The following MBOAT2 variants were observed in gnomAD, a reference collection of about 807,000 sequenced individuals.
MBOAT2 encodes membrane-bound glycerophospholipid O-acyltransferase 2.
A neutral mutation model predicts 63.4 loss-of-function variants in MBOAT2; 28 were observed. The ratio of observed to expected loss-of-function variants is 0.44; its 90% CI spans 0.33 to 0.61. MBOAT2 has a LOEUF of 0.61. Ranked by LOEUF, MBOAT2 falls within the 20% of genes least tolerant of loss-of-function variation. The probability of loss-of-function intolerance (pLI) is 0.03; values close to 1 mark genes in which losing one functional copy is unlikely to be tolerated. For missense variants in MBOAT2, 470 were observed against 605.8 expected (o/e 0.78, Z 2.35); for synonymous variants, 211 against 215.6 (o/e 0.98, Z 0.19).
chr2:8,907,413 C>G (rs927183886), intron 4 of MBOAT2, among the ~76,000 whole-genome samples: 3 of 152,198 alleles, frequency 2.0e-5, no homozygotes, highest in African/African-American at 7.2e-5. Context: ...TTCTAAGTGA[C>G]TGCAATTCTT....
intron 3 of MBOAT2, among the ~76,000 whole-genome samples, chr2:8,937,543 T>A (rs991625801): frequency 6.6e-6 from 1 of 152,164 alleles, no homozygotes; most frequent in Admixed American, 6.5e-5. Flanking sequence ...AGAGGATGTG[T>A]AACAAATCAT....
chr2:8,971,821 G>T (rs1319357892), intron 1 of MBOAT2, among the ~76,000 whole-genome samples: 1 of 152,148 alleles, frequency 6.6e-6, no homozygotes, highest in East Asian at 1.9e-4. Flanking sequence ...GGATGTGAAG[G>T]ACCTCTTCAA....
In MBOAT2 at chr2:8,877,365, A is replaced by T; in HGVS notation, c.507-152T>A. 4 of 723,964 alleles carry T rather than the reference A, an allele frequency of 5.5e-6. No individual in the cohort carries two copies. In the East Asian group the frequency reaches 1.1e-4, roughly 20 times the overall value. The allele number at this position is 723,964 out of a possible 1,614,324, so 44.8% of individuals were successfully genotyped here. Reference sequence around the variant, plus strand: ...TACAATAAGAATTTTAAGGATCAGAACATAGTCATGCTCAAAAGTATGTCT... The same window carrying T: ...TACAATAAGAATTTTAAGGATCAGATCATAGTCATGCTCAAAAGTATGTCT... On this transcript the variant is annotated intron_variant, in intron 6 of 12. Coordinates refer to ENST00000305997, the MANE Select transcript of MBOAT2 (RefSeq NM_138799.4).
intron 1 of MBOAT2, among the ~76,000 whole-genome samples, chr2:8,970,406 C>T (rs1377463452): frequency 1.3e-5 from 2 of 152,142 alleles, no homozygotes; most frequent in South Asian, 2.1e-4. Context: ...TAAATGCCCA[C>T]AAGAGAAAGC....
chr2:8,921,309 T>C (rs929920195), intron 3 of MBOAT2, among the ~76,000 whole-genome samples: 1 of 152,250 alleles, frequency 6.6e-6, no homozygotes. Flanking sequence ...TTCAGATTAA[T>C]ACTGACTTAA....
At chr2:8,917,478 G>A (rs1277181131) in intron 3 of MBOAT2, among the ~76,000 whole-genome samples, 1 of 151,934 alleles carries the variant, frequency 6.6e-6, no homozygotes, top group Non-Finnish European at 1.5e-5. Context: ...AACAGTACAG[G>A]AAAAAAATGT....
At chr2:8,951,861 T>C (rs1668860946) in intron 2 of MBOAT2, among the ~76,000 whole-genome samples, 1 of 152,222 alleles carries the variant, frequency 6.6e-6, no homozygotes, top group South Asian at 2.1e-4. Flanking sequence ...CTCTTTATCC[T>C]TTTAAAGAAC....
chr2:8,960,422 C>T (rs906605129), intron 1 of MBOAT2, among the ~76,000 whole-genome samples: 2 of 152,118 alleles, frequency 1.3e-5, no homozygotes, highest in Admixed American at 6.6e-5. Context: ...ACAGAAGGAA[C>T]GTCAACCCAA....
At chr2:8,992,587 TATACC>T (rs1249009229) in intron 1 of MBOAT2, among the ~76,000 whole-genome samples, 1 of 152,266 alleles carries the variant, frequency 6.6e-6, no homozygotes, top group Non-Finnish European at 1.5e-5. Context: ...TATTTTAACA[TATACC>T]ATACATGTAT....
chr2:9,000,581 A>C (rs1191163185), intron 1 of MBOAT2, among the ~76,000 whole-genome samples: 1 of 152,230 alleles, frequency 6.6e-6, no homozygotes, highest in Non-Finnish European at 1.5e-5. Context: ...CTTAATGATG[A>C]GGCTATGTTC....
chr2:8,954,563 C>T (rs945748579), intron 2 of MBOAT2, among the ~76,000 whole-genome samples: 1 of 151,900 alleles, frequency 6.6e-6, no homozygotes, highest in African/African-American at 2.4e-5. Context: ...TCCATGTTCT[C>T]TACACAGGAA....
chr2:8,954,919 C>A (rs1669103233), intron 2 of MBOAT2, among the ~76,000 whole-genome samples: 1 of 152,194 alleles, frequency 6.6e-6, no homozygotes, highest in Admixed American at 6.5e-5. Context: ...CAGAGTGGGG[C>A]ACCCAACAAT....
chr2:8,969,645 C>T (rs1250560677), intron 1 of MBOAT2, among the ~76,000 whole-genome samples: 1 of 152,010 alleles, frequency 6.6e-6, no homozygotes, highest in Admixed American at 6.6e-5. Flanking sequence ...CAGAGACACA[C>T]GTAGGCTCAA....
Position 9,003,495 on chromosome 2 carries a change from G to A in MBOAT2, c.75+45C>T. ...GGTCGGGTGGCACCGCGGCGGGGAGGGGCGGCGAGGGCGCGACGCCCGGCG... is the reference window on the plus strand; with the variant it reads ...GGTCGGGTGGCACCGCGGCGGGGAGAGGCGGCGAGGGCGCGACGCCCGGCG... On this transcript the variant is annotated intron_variant, in intron 1 of 12. Coordinates refer to ENST00000305997, the MANE Select transcript of MBOAT2 (RefSeq NM_138799.4). This position sits in a 1 kb window ranked among gnomAD's most constrained non-coding sequence, Gnocchi z 5.4. 1 of 1,153,432 alleles carries A rather than the reference G, an allele frequency of 8.7e-7. No homozygotes were observed. The highest frequency in any genetic ancestry group is 1.1e-6 in the Non-Finnish European group (1 of 933,908). 71.4% of individuals were successfully genotyped at this position (1,153,432 alleles called of 1,614,324 possible). A position where few individuals can be genotyped will look rare whatever the true frequency, so the allele number is the denominator to read the frequency against.
At chr2:8,920,975 C>T (rs1573054612) in intron 3 of MBOAT2, among the ~76,000 whole-genome samples, 1 of 152,222 alleles carries the variant, frequency 6.6e-6, no homozygotes, top group South Asian at 2.1e-4. Context: ...CACTCTTTTA[C>T]CTTCAGCCTA....
chr2:8,940,038 G>A (rs1667939240), intron 3 of MBOAT2, among the ~76,000 whole-genome samples: 2 of 151,748 alleles, frequency 1.3e-5, no homozygotes, highest in Admixed American at 6.6e-5. Flanking sequence ...CTGTTTTCCA[G>A]CTACACGTCC....
chr2:8,969,921 G>A (rs543981143), intron 1 of MBOAT2, among the ~76,000 whole-genome samples: 2 of 152,178 alleles, frequency 1.3e-5, no homozygotes, highest in African/African-American at 4.8e-5. Flanking sequence ...AATAATAATG[G>A]GAGACTTTAA....
chr2:8,908,756 T>G, intron 3 of MBOAT2, 40 bp from the exon 4 acceptor site: 1 of 1,244,304 alleles, frequency 8.0e-7, no homozygotes, highest in Non-Finnish European at 1.2e-6. Context: ...AAAATAAGAC[T>G]CATTTTGTTA....
intron 3 of MBOAT2, among the ~76,000 whole-genome samples, chr2:8,931,005 C>T (rs181202767): frequency 7.2e-5 from 11 of 152,176 alleles, no homozygotes; most frequent in Admixed American, 4.6e-4. Context: ...CGTGGGCTGC[C>T]GCCACACCAA....
Sources: allele counts gnomAD v4.1 joint callset (sites outside exome capture counted in the v4.1 genomes callset), GRCh38; gene constraint gnomAD v4.1.1; non-coding constraint Gnocchi (gnomAD v3.1); transcripts MANE v1.5; gene names NCBI Gene and HGNC (gene_info 2026-07-23, HGNC 2026-07-21).